Variants in GALNTL6 observed in about 807,000 individuals in gnomAD.
GALNTL6 encodes the protein polypeptide N-acetylgalactosaminyltransferase like 6.
In GALNTL6, 46 loss-of-function variants were observed where a neutral mutation model predicts 73.7. The ratio of observed to expected loss-of-function variants is 0.62; its 90% CI spans 0.49 to 0.80. The LOEUF is 0.80. Ranked by LOEUF, GALNTL6 falls within the 30% of genes least tolerant of loss-of-function variation. GALNTL6 has a pLI of 0.00. For missense variants in GALNTL6, 604 were observed against 755.0 expected, an observed-to-expected ratio of 0.80 and a Z score of 2.34; for synonymous variants, 259 against 263.7, an observed-to-expected ratio of 0.98 and a Z score of 0.17.
intron 5 of GALNTL6, among the ~76,000 whole-genome samples, chr4:172,571,991 A>T (rs1736780465): frequency 6.6e-6 from 1 of 152,232 alleles, no homozygotes; most frequent in Admixed American, 6.5e-5. Flanking sequence ...CAAATTTTCT[A>T]TGTACAGTAA....
intron 2 of GALNTL6, among the ~76,000 whole-genome samples, chr4:172,134,866 G>A (rs1454494920): frequency 2.0e-5 from 3 of 152,142 alleles, no homozygotes; most frequent in Non-Finnish European, 4.4e-5. Flanking sequence ...CTGAGTCTTG[G>A]TCTTTGGCGT....
chr4:173,031,473 C>T (rs1411771252), intron 12 of GALNTL6, among the ~76,000 whole-genome samples: 2 of 152,122 alleles, frequency 1.3e-5, no homozygotes, highest in East Asian at 3.9e-4. Flanking sequence ...TGCTTTCTTT[C>T]GTGCACTCTT....
intron 2 of GALNTL6, among the ~76,000 whole-genome samples, chr4:172,188,502 T>C (rs1248932836): frequency 2.0e-5 from 3 of 152,166 alleles, no homozygotes; most frequent in Admixed American, 6.5e-5. Context: ...GTCTGCTCTC[T>C]TGGATGTTCA....
chr4:172,191,669 C>T (rs1735593031), intron 2 of GALNTL6, among the ~76,000 whole-genome samples: 1 of 152,198 alleles, frequency 6.6e-6, no homozygotes, highest in South Asian at 2.1e-4. Flanking sequence ...AGACTATTCT[C>T]ATTGTTTATT....
chr4:172,897,837 T>A (rs1018202291), intron 8 of GALNTL6, among the ~76,000 whole-genome samples: 9 of 152,312 alleles, frequency 5.9e-5, no homozygotes, highest in African/African-American at 2.2e-4. Flanking sequence ...TTTGGTGATG[T>A]TGCTCCTCCC....
chr4:171,837,227 T>C (rs1340006048), intron 2 of GALNTL6, among the ~76,000 whole-genome samples: 1 of 152,110 alleles, frequency 6.6e-6, no homozygotes, highest in Admixed American at 6.6e-5. Context: ...AATTTATGCA[T>C]GAAATAACTG....
chr4:172,167,722 G>T (rs1371195789), intron 2 of GALNTL6, among the ~76,000 whole-genome samples: 38 of 151,788 alleles, frequency 2.5e-4, no homozygotes, highest in Non-Finnish European at 2.2e-4. Flanking sequence ...ACTTTGGGAG[G>T]CCGAGGCGGG....
chr4:171,894,563 A>G (rs1736854417), intron 2 of GALNTL6, among the ~76,000 whole-genome samples: 1 of 152,224 alleles, frequency 6.6e-6, no homozygotes, highest in Admixed American at 6.5e-5. Context: ...AATTTTTTGA[A>G]AAGATGGAAT....
chr4:172,303,867 C>G (rs1740030091), intron 3 of GALNTL6, among the ~76,000 whole-genome samples: 1 of 152,130 alleles, frequency 6.6e-6, no homozygotes. Flanking sequence ...AAGAATGAAA[C>G]AGTAGTTACT....
intron 2 of GALNTL6, among the ~76,000 whole-genome samples, chr4:172,151,152 C>T (rs951721729): frequency 6.6e-6 from 1 of 151,842 alleles, no homozygotes; most frequent in African/African-American, 2.4e-5. Flanking sequence ...ATATAGATGA[C>T]ATAGATTGAT....
chr4:172,605,781 G>A (rs375121404), intron 5 of GALNTL6, among the ~76,000 whole-genome samples: 1 of 152,164 alleles, frequency 6.6e-6, no homozygotes, highest in African/African-American at 2.4e-5. Context: ...TAGGCATGTG[G>A]ACACATTGAA....
At chr4:172,487,609 A>G (rs1273720758) in intron 5 of GALNTL6, among the ~76,000 whole-genome samples, 1 of 151,808 alleles carries the variant, frequency 6.6e-6, no homozygotes, top group African/African-American at 2.4e-5. Context: ...GCTGTTCTGG[A>G]ACTCCTGACC....
intron 2 of GALNTL6, among the ~76,000 whole-genome samples, chr4:172,223,502 C>A (rs1237643681): frequency 6.6e-6 from 1 of 152,014 alleles, no homozygotes; most frequent in Non-Finnish European, 1.5e-5. Context: ...TCTTGACTTC[C>A]TTTTGCTCAG....
intron 5 of GALNTL6, among the ~76,000 whole-genome samples, chr4:172,643,799 A>AT (rs2111129573): frequency 6.6e-6 from 1 of 151,966 alleles, no homozygotes; most frequent in African/African-American, 2.4e-5. Context: ...TACCCAGTTG[A>AT]TTTTTTATAC....
intron 5 of GALNTL6, among the ~76,000 whole-genome samples, chr4:172,478,957 G>A (rs780913944): frequency 5.9e-5 from 9 of 152,142 alleles, no homozygotes; most frequent in Non-Finnish European, 8.8e-5. Flanking sequence ...TAAAACCACA[G>A]TGAGATACCA....
At chr4:172,436,547 A>T (rs1731641533) in intron 5 of GALNTL6, among the ~76,000 whole-genome samples, 1 of 152,134 alleles carries the variant, frequency 6.6e-6, no homozygotes, top group South Asian at 2.1e-4. Flanking sequence ...AAACAAGTAG[A>T]TCTGAAGATT....
At chr4:173,026,187 A>C (rs1036015442) in intron 12 of GALNTL6, among the ~76,000 whole-genome samples, 1 of 152,210 alleles carries the variant, frequency 6.6e-6, no homozygotes, top group African/African-American at 2.4e-5. Flanking sequence ...ATATAGCCCC[A>C]AAAATTCTTG....
chr4:172,631,258 C>T (rs1347476493), intron 5 of GALNTL6, among the ~76,000 whole-genome samples: 2 of 151,900 alleles, frequency 1.3e-5, no homozygotes, highest in African/African-American at 2.4e-5. Context: ...AATTCTTCTT[C>T]TTCAGACTCC....
At chr4:172,251,220 C>T (rs6816480) in intron 3 of GALNTL6, among the ~76,000 whole-genome samples, 3 of 151,854 alleles carry the variant, frequency 2.0e-5, no homozygotes, top group Non-Finnish European at 4.4e-5. Context: ...GGCAGAATTC[C>T]TTTTTGCATA....
Sources: gnomAD v4.1 joint callset for allele counts (sites outside exome capture counted in the v4.1 genomes callset) on GRCh38, gnomAD v4.1.1 for gene constraint, MANE v1.5 for transcripts, NCBI Gene and HGNC (gene_info 2026-07-23, HGNC 2026-07-21) for gene names.